Variants in CHST9 observed in about 807,000 individuals in gnomAD.
CHST9 encodes the protein carbohydrate sulfotransferase 9.
In CHST9, 41 loss-of-function variants were observed where a neutral mutation model predicts 44.4. That is an observed-to-expected ratio of 0.92 (90% CI 0.72 to 1.20). The LOEUF (loss-of-function observed/expected upper bound fraction) is 1.20, where lower values mean the gene tolerates loss of function less well. Among genes scored for constraint, CHST9 ranks in the 50% most tolerant of loss-of-function variants. CHST9 has a pLI of 0.00. For synonymous variants in CHST9, 171 were observed against 178.4 expected (o/e 0.96, Z 0.33); for missense variants, 504 against 516.5 (o/e 0.98, Z 0.23).
intron 1 of CHST9, among the ~76,000 whole-genome samples, chr18:27,176,319 A>C (rs550019352): frequency 6.6e-6 from 1 of 152,016 alleles, no homozygotes; most frequent in African/African-American, 2.4e-5. Context: ...TGGAGGATGA[A>C]TTTGGGGGTG....
chr18:27,183,703 C>T (rs1598787582), intron 1 of CHST9, among the ~76,000 whole-genome samples: 1 of 152,116 alleles, frequency 6.6e-6, no homozygotes, highest in Non-Finnish European at 1.5e-5. Flanking sequence ...ACTGTTTGAT[C>T]GTATGGTGTA....
At chr18:27,167,203 A>G (rs2058797538) in intron 1 of CHST9, among the ~76,000 whole-genome samples, 1 of 152,196 alleles carries the variant, frequency 6.6e-6, no homozygotes, top group African/African-American at 2.4e-5. Flanking sequence ...TTAACTCACC[A>G]TAGTCAATTT....
intron 1 of CHST9, among the ~76,000 whole-genome samples, chr18:27,157,703 A>G (rs953652086): frequency 7.9e-5 from 12 of 152,194 alleles, no homozygotes; most frequent in African/African-American, 2.9e-4. Flanking sequence ...TAGTTACTGA[A>G]ATAAATATAG....
At chr18:27,010,052 A>T (rs2057064145) in intron 4 of CHST9, among the ~76,000 whole-genome samples, 1 of 152,254 alleles carries the variant, frequency 6.6e-6, no homozygotes. Flanking sequence ...TATAAGTCTT[A>T]GACTGCAATA....
intron 2 of CHST9, among the ~76,000 whole-genome samples, chr18:27,129,562 T>G (rs1444115611): frequency 6.6e-6 from 1 of 151,918 alleles, no homozygotes; most frequent in African/African-American, 2.4e-5. Flanking sequence ...CCAGATAATG[T>G]TTGTATTTTT....
At chr18:27,086,446 T>C (rs2058013069) in intron 2 of CHST9, among the ~76,000 whole-genome samples, 1 of 152,348 alleles carries the variant, frequency 6.6e-6, no homozygotes, top group East Asian at 1.9e-4. Flanking sequence ...CAAAGAATAA[T>C]ACTCATTCCT....
At chr18:27,112,331 C>A (rs575388675) in intron 2 of CHST9, among the ~76,000 whole-genome samples, 1 of 151,050 alleles carries the variant, frequency 6.6e-6, no homozygotes, top group South Asian at 2.1e-4. Context: ...TCTGCATATA[C>A]ATAATTAAAT....
At chr18:27,099,980 T>A (rs1445940436) in intron 2 of CHST9, among the ~76,000 whole-genome samples, 1 of 151,468 alleles carries the variant, frequency 6.6e-6, no homozygotes, top group African/African-American at 2.4e-5. Context: ...TAGGTGTCCA[T>A]CAATGGTATT....
At chr18:26,994,372 T>TTG (rs149553721) in intron 4 of CHST9, among the ~76,000 whole-genome samples, 2 of 151,742 alleles carry the variant, frequency 1.3e-5, no homozygotes, top group South Asian at 2.1e-4. Flanking sequence ...TTACTCTGTG[T>TTG]TGTGTGTGTG....
chr18:27,140,377 G>T (rs2058554925), intron 2 of CHST9, among the ~76,000 whole-genome samples: 2 of 152,088 alleles, frequency 1.3e-5, no homozygotes, highest in East Asian at 3.8e-4. Context: ...CTCCATAAAT[G>T]GTAGCTATTA....
chr18:27,175,577 A>G (rs2058861960), intron 1 of CHST9, among the ~76,000 whole-genome samples: 1 of 152,082 alleles, frequency 6.6e-6, no homozygotes. Context: ...GTCACAAAGA[A>G]AAAAGTGGGG....
intron 4 of CHST9, among the ~76,000 whole-genome samples, chr18:27,005,454 A>G (rs995425418): frequency 1.3e-5 from 2 of 152,122 alleles, no homozygotes; most frequent in Non-Finnish European, 2.9e-5. Flanking sequence ...TGGGGATGAT[A>G]TTTACTTCAA....
chr18:27,118,202 A>G (rs893491833), intron 2 of CHST9, among the ~76,000 whole-genome samples: 4 of 152,138 alleles, frequency 2.6e-5, no homozygotes, highest in Non-Finnish European at 4.4e-5. Context: ...TGAGGTGTCT[A>G]TTCAGGTCTT....
chr18:27,040,541 C>T (rs532861870), intron 3 of CHST9, among the ~76,000 whole-genome samples: 1 of 152,224 alleles, frequency 6.6e-6, no homozygotes, highest in South Asian at 2.1e-4. Flanking sequence ...CCTCCAACTG[C>T]CACTCAAGTC....
In CHST9 at chr18:27,142,783, G is replaced by A; in HGVS notation, c.27C>T (p.Asn9=). The change falls in exon 2 of 6, where the codon AAC becomes AAT. Residue 9 remains asparagine (N), a synonymous_variant. Coordinates refer to ENST00000618847, the MANE Select transcript of CHST9 (RefSeq NM_031422.6). The stretch of plus-strand genomic sequence containing the variant: ...GCACAGAGAGGAAGACTTGTTTGGG[G>A]TTCATGACCATTTCAGATGGCTGCA... MQPSEMVM[N]PKQVFLSVLI... is the part of the protein sequence containing the mutation. The A allele has an allele frequency of 6.2e-7, 1 of 1,610,354 alleles. No homozygotes were observed. The highest frequency in any genetic ancestry group is 8.5e-7 in the Non-Finnish European group (1 of 1,178,458).
In CHST9 at chr18:27,024,102, A is replaced by G. The variant is rs374970656; in HGVS notation, c.202+14T>C. On this transcript the variant is annotated intron_variant, in intron 4 of 5. Transcript: ENST00000618847. ...AACTACCCAAGATTCAAACATTATGAGGAAGTTACTCACTGATTCTGGGTA... is the reference window on the plus strand; with the variant it reads ...AACTACCCAAGATTCAAACATTATGGGGAAGTTACTCACTGATTCTGGGTA... 9 of 1,610,560 alleles carry G rather than the reference A, an allele frequency of 5.6e-6. No homozygotes were observed. Among genetic ancestry groups the G allele is most frequent in the Non-Finnish European group, 7.6e-6 (9 of 1,177,890 alleles).
chr18:27,132,647 G>A (rs143890554), intron 2 of CHST9, among the ~76,000 whole-genome samples: 78 of 152,256 alleles, frequency 5.1e-4, no homozygotes, highest in African/African-American at 1.2e-3. Context: ...ATTGCTCTGC[G>A]CCATCCTCTG....
intron 1 of CHST9, among the ~76,000 whole-genome samples, chr18:27,146,799 G>A (rs1191878354): frequency 6.6e-6 from 1 of 152,118 alleles, no homozygotes; most frequent in Non-Finnish European, 1.5e-5. Flanking sequence ...AAGAAACATG[G>A]AGAAATACTA....
chr18:26,975,400 C>A (rs1348730105), intron 4 of CHST9, among the ~76,000 whole-genome samples: 1 of 151,944 alleles, frequency 6.6e-6, no homozygotes, highest in Non-Finnish European at 1.5e-5. Flanking sequence ...GTACTCCTTA[C>A]ATAATACCTC....
Sources: gnomAD v4.1 joint callset for allele counts (sites outside exome capture counted in the v4.1 genomes callset) on GRCh38, gnomAD v4.1.1 for gene constraint, MANE v1.5 for transcripts, NCBI Gene and HGNC (gene_info 2026-07-23, HGNC 2026-07-21) for gene names.